FRMD4A: variants seen among roughly 807,000 people sequenced by gnomAD.
The protein encoded by FRMD4A is FERM domain containing 4A.
A neutral mutation model predicts 129.1 loss-of-function variants in FRMD4A; 29 were observed. The observed-to-expected ratio is 0.22, with a 90% CI of 0.17 to 0.31. The LOEUF is 0.31. FRMD4A is among the 10% of genes least tolerant of loss of function. The probability of loss-of-function intolerance (pLI) is 1.00; values close to 1 mark genes in which losing one functional copy is unlikely to be tolerated. For synonymous variants in FRMD4A, 634 were observed against 571.6 expected, an observed-to-expected ratio of 1.11 and a Z score of -1.56; for missense variants, 1,272 against 1,375.8, an observed-to-expected ratio of 0.92 and a Z score of 1.19.
At chr10:14,085,214 T>A (rs1159867721) in intron 2 of FRMD4A, among the ~76,000 whole-genome samples, 10 of 152,134 alleles carry the variant, frequency 6.6e-5, no homozygotes, top group Admixed American at 6.5e-4. Context: ...TCTAGGGATG[T>A]TTGGAGATGA....
intron 2 of FRMD4A, among the ~76,000 whole-genome samples, chr10:13,879,071 T>G (rs1288617975): frequency 6.6e-6 from 1 of 152,154 alleles, no homozygotes; most frequent in Non-Finnish European, 1.5e-5. Context: ...TCAAGACATA[T>G]CCAACAGTAT....
chr10:13,838,642 G>A (rs1458078579), intron 3 of FRMD4A, among the ~76,000 whole-genome samples: 1 of 151,946 alleles, frequency 6.6e-6, no homozygotes, highest in Admixed American at 6.5e-5. Context: ...ACAGGCATGT[G>A]CCACCACGCC....
Position 13,948,733 on chromosome 10 carries a change from C to T in FRMD4A, c.46-89821G>A, listed in dbSNP as rs528388662. 3.3e-5 allele frequency among the ~76,000 whole-genome samples: 5 copies of T among 150,176 alleles called. No individual in the cohort carries two copies. In the East Asian group the frequency reaches 9.9e-4, roughly 30 times the overall value. On this transcript the variant is annotated intron_variant, in intron 2 of 24. Coordinates refer to ENST00000357447, the MANE Select transcript of FRMD4A (RefSeq NM_018027.5). The stretch of plus-strand genomic sequence containing the variant: ...GTGGCACAGTCTCGGCTCACTGCAA[C>T]CTCCGCCTCCCAGGTTCAAGCGATT...
chr10:13,728,573 C>CTTTTTTTATTTTTTTTTTT (rs1261105240), intron 12 of FRMD4A, among the ~76,000 whole-genome samples: 1 of 78,372 alleles, frequency 1.3e-5, no homozygotes, highest in Non-Finnish European at 2.4e-5. Flanking sequence ...GATTACCATT[C>CTTTTTTTATTTTTTTTTTT]TTTTTTTTTT....
At chr10:14,063,546 T>G (rs1834914859) in intron 2 of FRMD4A, among the ~76,000 whole-genome samples, 1 of 102,246 alleles carries the variant, frequency 9.8e-6, no homozygotes, top group Non-Finnish European at 2.0e-5. Context: ...CTTACATTAT[T>G]TTACCTTTTC....
At chr10:14,256,186 G>C (rs533955008) in intron 2 of FRMD4A, among the ~76,000 whole-genome samples, 28 of 151,770 alleles carry the variant, frequency 1.8e-4, no homozygotes, top group African/African-American at 5.3e-4. Context: ...TATAATAGAC[G>C]GCAATAATTG....
intron 6 of FRMD4A, among the ~76,000 whole-genome samples, chr10:13,763,652 G>GA (rs1388692616): frequency 6.6e-6 from 1 of 151,850 alleles, no homozygotes; most frequent in Non-Finnish European, 1.5e-5. Context: ...CTTGGTTTTT[G>GA]AAAAAATTCC....
intron 2 of FRMD4A, among the ~76,000 whole-genome samples, chr10:14,021,384 TA>T (rs5783378): frequency 0.3 from 43,840 of 143,786 alleles, 8,122 homozygotes; most frequent in African/African-American, 0.54. Context: ...TCCACAAAAA[TA>T]AAAAAAAAAA....
rs575541682 is a variant in FRMD4A, at chr10:13,999,433, T to C, written c.46-140521A>G. Among the ~76,000 whole-genome samples, 5 of 152,346 alleles carry C rather than the reference T, an allele frequency of 3.3e-5. No homozygotes were observed. In the South Asian group the frequency reaches 1.0e-3, roughly 32 times the overall value. ...GATATCTGTATTCTGGGACTGATTC[T>C]GTGTGGTTGGACTAGGACCGCATTT... On this transcript the variant is annotated intron_variant, in intron 2 of 24. Transcript: ENST00000357447.
At chr10:14,280,165 C>T (rs536814751) in intron 2 of FRMD4A, among the ~76,000 whole-genome samples, 53 of 152,216 alleles carry the variant, frequency 3.5e-4, no homozygotes, top group African/African-American at 1.2e-3. Flanking sequence ...CAGGACAGTG[C>T]GATGTGGTGG....
intron 2 of FRMD4A, among the ~76,000 whole-genome samples, chr10:14,269,608 CTAAGGGATGCCATGCAAT>C (rs1845092033): frequency 6.6e-6 from 1 of 152,094 alleles, no homozygotes; most frequent in Non-Finnish European, 1.5e-5. Context: ...TTATCTGCGT[CTAAGGGATGCCATGCAAT>C]TAAGGGATGC....
At chr10:13,861,759 G>A (rs1278441405) in intron 2 of FRMD4A, among the ~76,000 whole-genome samples, 1 of 152,152 alleles carries the variant, frequency 6.6e-6, no homozygotes, top group African/African-American at 2.4e-5. Context: ...CATCAACCTT[G>A]CACAGAGTAA....
At chr10:13,731,757 G>C (rs1245853124) in intron 12 of FRMD4A, among the ~76,000 whole-genome samples, 1 of 152,052 alleles carries the variant, frequency 6.6e-6, no homozygotes, top group African/African-American at 2.4e-5. Flanking sequence ...TGATATTCTG[G>C]GGGAGGTGCA....
At chr10:14,076,564 C>T (rs1178555135) in intron 2 of FRMD4A, among the ~76,000 whole-genome samples, 7 of 151,728 alleles carry the variant, frequency 4.6e-5, no homozygotes, top group African/African-American at 9.7e-5. Context: ...CGCGTGAACC[C>T]GGGAGGCAGA....
At chr10:14,276,156 CG>C (rs1156780849) in intron 2 of FRMD4A, among the ~76,000 whole-genome samples, 1 of 152,148 alleles carries the variant, frequency 6.6e-6, no homozygotes, top group Non-Finnish European at 1.5e-5. Context: ...TTTTTCCCAC[CG>C]GAAGACAGTA....
chr10:14,295,809 T>C (rs932767847), intron 2 of FRMD4A, among the ~76,000 whole-genome samples: 2 of 152,162 alleles, frequency 1.3e-5, no homozygotes, highest in African/African-American at 4.8e-5. Flanking sequence ...CTGTATATAC[T>C]AACATGTACA....
At chr10:13,681,698 T>C (rs951232513) in intron 15 of FRMD4A, among the ~76,000 whole-genome samples, 12 of 151,886 alleles carry the variant, frequency 7.9e-5, no homozygotes, top group African/African-American at 2.9e-4. Context: ...CTCACACCAG[T>C]GGTTTTGAGG....
At chr10:13,974,779 G>C (rs546192035) in intron 2 of FRMD4A, among the ~76,000 whole-genome samples, 1 of 152,004 alleles carries the variant, frequency 6.6e-6, no homozygotes, top group African/African-American at 2.4e-5. Flanking sequence ...CACCCGCCTC[G>C]CTCTCCCAAA....
Position 14,034,211 on chromosome 10 carries a change from A to G in FRMD4A, c.46-175299T>C, listed in dbSNP as rs1440882928. Among the ~76,000 whole-genome samples, 3 of 152,130 alleles carry G rather than the reference A, an allele frequency of 2.0e-5. No homozygotes were observed. In the East Asian group the frequency reaches 5.8e-4, roughly 29 times the overall value. ...CTTTCCCTAGATGTTCATTAAGCGCATTTGTTGCATTGTGCATATCCTTGC... is the reference window on the plus strand; with the variant it reads ...CTTTCCCTAGATGTTCATTAAGCGCGTTTGTTGCATTGTGCATATCCTTGC... On this transcript the variant is annotated intron_variant, in intron 2 of 24. Transcript: ENST00000357447.
Sources: allele counts gnomAD v4.1 joint callset (sites outside exome capture counted in the v4.1 genomes callset), GRCh38; gene constraint gnomAD v4.1.1; transcripts MANE v1.5; gene names NCBI Gene and HGNC (gene_info 2026-07-23, HGNC 2026-07-21).